The following TMEM108 variants were observed in gnomAD, a reference collection of about 807,000 sequenced individuals.
TMEM108 encodes the protein transmembrane protein 108, also known as cancer/testis antigen 124.
TMEM108 carries 12 observed loss-of-function variants against 35.1 expected under a neutral mutation model. That is an observed-to-expected ratio of 0.34 (90% CI 0.22 to 0.55). The LOEUF (loss-of-function observed/expected upper bound fraction) is 0.55. Among genes scored for constraint, TMEM108 ranks in the 20% least tolerant of loss-of-function variants. The pLI, the probability that TMEM108 is intolerant of heterozygous loss-of-function variation, is 0.89. For synonymous variants in TMEM108, 287 were observed against 308.6 expected (o/e 0.93, Z 0.73); for missense variants, 680 against 753.3 (o/e 0.90, Z 1.14).
intron 3 of TMEM108, among the ~76,000 whole-genome samples, chr3:133,284,185 C>A (rs1946953420): frequency 6.6e-6 from 1 of 152,174 alleles, no homozygotes; most frequent in African/African-American, 2.4e-5. Flanking sequence ...CAGGAAGAGG[C>A]AGCATATATC....
At position 133,360,415 on chromosome 3, in the gene TMEM108, A is replaced by G. The variant is rs949247298; in HGVS notation, c.41-19337A>G. 3.3e-5 allele frequency among the ~76,000 whole-genome samples: 5 copies of G among 152,324 alleles called. No individual in the cohort carries two copies. The South Asian group carries it at 1.0e-3, about 32-fold the overall frequency. ...CTTAAAAGGGAACAATGAAGGAGTA[A>G]GGGATATTCAATAATTTTAAAATGG... On this transcript the variant is annotated intron_variant, in intron 3 of 5. Transcript: ENST00000321871.
At chr3:133,250,848 T>G (rs900178682) in intron 3 of TMEM108, among the ~76,000 whole-genome samples, 1 of 152,202 alleles carries the variant, frequency 6.6e-6, no homozygotes, top group Non-Finnish European at 1.5e-5. Context: ...TTTTAATGTA[T>G]CCATCCTTTC....
intron 3 of TMEM108, among the ~76,000 whole-genome samples, chr3:133,274,370 T>G (rs1946811616): frequency 6.6e-6 from 1 of 152,218 alleles, no homozygotes; most frequent in African/African-American, 2.4e-5. Flanking sequence ...TTCTCTTGCC[T>G]CAAACCTTTC....
At chr3:133,192,324 G>A (rs1945510277) in intron 2 of TMEM108, among the ~76,000 whole-genome samples, 1 of 152,178 alleles carries the variant, frequency 6.6e-6, no homozygotes, top group Admixed American at 6.5e-5. Flanking sequence ...GATTTGAGCA[G>A]TACTTTTCTG....
chr3:133,082,239 A>C (rs1943820860), intron 2 of TMEM108, among the ~76,000 whole-genome samples: 1 of 152,202 alleles, frequency 6.6e-6, no homozygotes, highest in Non-Finnish European at 1.5e-5. Flanking sequence ...TTTACAGTCT[A>C]CTGGGGGAAA....
At chr3:133,201,574 G>A (rs946283816) in intron 2 of TMEM108, among the ~76,000 whole-genome samples, 13 of 151,730 alleles carry the variant, frequency 8.6e-5, no homozygotes, top group African/African-American at 3.2e-4. Context: ...TCCTGCATTA[G>A]TTGGCTGAGA....
intron 3 of TMEM108, among the ~76,000 whole-genome samples, chr3:133,342,343 TA>T (rs1377749658): frequency 6.6e-6 from 1 of 150,726 alleles, no homozygotes; most frequent in Non-Finnish European, 1.5e-5. Context: ...TTATACATTT[TA>T]AAAATAACTA....
chr3:133,325,075 C>T (rs1262388730), intron 3 of TMEM108, among the ~76,000 whole-genome samples: 2 of 152,050 alleles, frequency 1.3e-5, no homozygotes, highest in East Asian at 1.9e-4. Context: ...ATGGAACCAG[C>T]GTAAATGCCC....
chr3:133,041,562 G>A (rs1943276942), intron 1 of TMEM108, among the ~76,000 whole-genome samples: 1 of 152,180 alleles, frequency 6.6e-6, no homozygotes, highest in African/African-American at 2.4e-5. Context: ...AGCCATAACT[G>A]TTTACATAAG....
At chr3:133,126,545 A>C (rs1944420198) in intron 2 of TMEM108, among the ~76,000 whole-genome samples, 1 of 152,074 alleles carries the variant, frequency 6.6e-6, no homozygotes, top group South Asian at 2.1e-4. Flanking sequence ...ATTGTCCAAT[A>C]AAAATGTAAT....
At chr3:133,242,399 A>C (rs1331891402) in intron 3 of TMEM108, among the ~76,000 whole-genome samples, 1 of 152,224 alleles carries the variant, frequency 6.6e-6, no homozygotes, top group Non-Finnish European at 1.5e-5. Context: ...AGATGGAACC[A>C]TGAGTTTATA....
intron 3 of TMEM108, among the ~76,000 whole-genome samples, chr3:133,316,284 G>T (rs555559820): frequency 6.6e-6 from 1 of 152,284 alleles, no homozygotes; most frequent in East Asian, 1.9e-4. Flanking sequence ...CACTCAGTTT[G>T]TTTCCCTTCT....
chr3:133,250,427 A>G (rs1402782278), intron 3 of TMEM108, among the ~76,000 whole-genome samples: 1 of 152,226 alleles, frequency 6.6e-6, no homozygotes, highest in Non-Finnish European at 1.5e-5. Flanking sequence ...TTATTGTAAG[A>G]ATACAGTATA....
At chr3:133,144,975 C>T (rs1944696011) in intron 2 of TMEM108, among the ~76,000 whole-genome samples, 1 of 152,118 alleles carries the variant, frequency 6.6e-6, no homozygotes. Flanking sequence ...TAATTAGATC[C>T]CATTTGTCAA....
chr3:133,283,339 A>C (rs1464400255), intron 3 of TMEM108, among the ~76,000 whole-genome samples: 2 of 152,144 alleles, frequency 1.3e-5, no homozygotes, highest in African/African-American at 4.8e-5. Flanking sequence ...AATGCAACGA[A>C]GATTTCAGGA....
intron 4 of TMEM108, chr3:133,388,103 T>G: frequency 1.0e-6 from 1 of 985,456 alleles, no homozygotes; most frequent in Non-Finnish European, 1.2e-6. Flanking sequence ...CTCCCCTCCC[T>G]CTAGCTCTAA....
intron 2 of TMEM108, among the ~76,000 whole-genome samples, chr3:133,208,197 T>G (rs1377821308): frequency 1.3e-5 from 2 of 152,162 alleles, no homozygotes; most frequent in East Asian, 3.8e-4. Context: ...TCTGATTCAG[T>G]GGGTCTGAGG....
intron 3 of TMEM108, among the ~76,000 whole-genome samples, chr3:133,340,552 G>A (rs1795096): frequency 0.53 from 80,169 of 151,360 alleles, 22,138 homozygotes; most frequent in East Asian, 0.86. Flanking sequence ...GAATACTTCC[G>A]AACTCATTCT....
intron 2 of TMEM108, among the ~76,000 whole-genome samples, chr3:133,091,973 A>G (rs990370902): frequency 3.9e-5 from 6 of 152,190 alleles, no homozygotes; most frequent in African/African-American, 9.7e-5. Context: ...CTAATCATCA[A>G]CTAGTTTGTC....
Sources: gnomAD v4.1 joint callset for allele counts (sites outside exome capture counted in the v4.1 genomes callset) on GRCh38, gnomAD v4.1.1 for gene constraint, MANE v1.5 for transcripts, NCBI Gene and HGNC (gene_info 2026-07-23, HGNC 2026-07-21) for gene names.